Variants in PLCB1 observed in about 807,000 individuals in gnomAD.
The protein encoded by PLCB1 is 1-phosphatidylinositol 4,5-bisphosphate phosphodiesterase beta-1.
A neutral mutation model predicts 161.8 loss-of-function variants in PLCB1; 46 were observed. That is an observed-to-expected ratio of 0.28 (90% confidence interval 0.22 to 0.36). The LOEUF (loss-of-function observed/expected upper bound fraction) is 0.36. Ranked by LOEUF, PLCB1 falls within the 10% of genes least tolerant of loss-of-function variation. PLCB1 has a pLI of 1.00. For missense variants in PLCB1, 1,016 were observed against 1,472.5 expected, an observed-to-expected ratio of 0.69 and a Z score of 5.07; for synonymous variants, 517 against 503.7, an observed-to-expected ratio of 1.03 and a Z score of -0.35.
intron 3 of PLCB1, among the ~76,000 whole-genome samples, chr20:8,474,065 A>G (rs1000073815): frequency 6.6e-6 from 1 of 152,328 alleles, no homozygotes; most frequent in African/African-American, 2.4e-5. Flanking sequence ...AGGCAGGAAT[A>G]TCATTAGGGC....
intron 3 of PLCB1, among the ~76,000 whole-genome samples, chr20:8,555,375 C>T (rs1985917476): frequency 6.6e-6 from 1 of 152,050 alleles, no homozygotes; most frequent in African/African-American, 2.4e-5. Context: ...TCTCCACCTA[C>T]ACTCCTCTTC....
intron 2 of PLCB1, among the ~76,000 whole-genome samples, chr20:8,162,912 A>G (rs947605960): frequency 1.3e-5 from 2 of 152,240 alleles, no homozygotes; most frequent in African/African-American, 4.8e-5. Flanking sequence ...AGACATTAAC[A>G]TATCAGAGTA....
intron 3 of PLCB1, among the ~76,000 whole-genome samples, chr20:8,461,477 C>A (rs543333983): frequency 2.4e-4 from 36 of 152,240 alleles, no homozygotes; most frequent in Non-Finnish European, 1.5e-5. Flanking sequence ...ACCTATCTCA[C>A]AGAGTTGCTG....
intron 3 of PLCB1, among the ~76,000 whole-genome samples, chr20:8,540,430 A>T (rs950504919): frequency 1.8e-4 from 28 of 152,276 alleles, no homozygotes; most frequent in African/African-American, 6.5e-4. Flanking sequence ...AAATCACAAC[A>T]TGGGTACATC....
rs145778961 is a variant in PLCB1, at chr20:8,740,363, A to G, written c.2328A>G (p.Leu776=). The change falls in exon 22 of 32, where the codon CTA becomes CTG. Residue 776 remains leucine (L), a synonymous_variant. Coordinates refer to ENST00000338037, the MANE Select transcript of PLCB1 (RefSeq NM_015192.4). ...AIRPGYHYIC[L]RNERNQPLTL... ...TTCCAGGCTATCACTATATCTGTCT[A>G]AGGAATGAAAGGAACCAGCCTCTGA... 6.9e-6 allele frequency: 11 copies of G among 1,603,730 alleles called. No individual in the cohort carries two copies. In the African/African-American group the frequency reaches 1.3e-4, roughly 20 times the overall value.
intron 2 of PLCB1, among the ~76,000 whole-genome samples, chr20:8,184,808 A>ATTATTAT (rs1248038983): frequency 6.9e-6 from 1 of 144,848 alleles, no homozygotes; most frequent in Non-Finnish European, 1.5e-5. Context: ...TATTATTATT[A>ATTATTAT]TACTTTAAGT....
chr20:8,178,587 A>C (rs183722674), intron 2 of PLCB1, among the ~76,000 whole-genome samples: 1 of 151,984 alleles, frequency 6.6e-6, no homozygotes, highest in Non-Finnish European at 1.5e-5. Flanking sequence ...CAGGCTGTCT[A>C]TTTACTCTGT....
At chr20:8,216,630 A>C (rs950229221) in intron 2 of PLCB1, among the ~76,000 whole-genome samples, 4 of 152,130 alleles carry the variant, frequency 2.6e-5, no homozygotes, top group Non-Finnish European at 5.9e-5. Flanking sequence ...AACCAAAGGT[A>C]GTTTCCTGGG....
At chr20:8,475,937 C>G (rs1431771020) in intron 3 of PLCB1, among the ~76,000 whole-genome samples, 1 of 152,202 alleles carries the variant, frequency 6.6e-6, no homozygotes, top group Non-Finnish European at 1.5e-5. Flanking sequence ...CTGTCATACA[C>G]CACTGCTTCC....
chr20:8,611,071 T>C (rs1987892024), intron 3 of PLCB1, among the ~76,000 whole-genome samples: 1 of 152,022 alleles, frequency 6.6e-6, no homozygotes, highest in Non-Finnish European at 1.5e-5. Context: ...TTTATATTAG[T>C]AAGGAAATTT....
chr20:8,410,858 T>C lies in PLCB1; in HGVS notation c.246+39408T>C, dbSNP rs565831978. Among the ~76,000 whole-genome samples, 6 of 152,178 alleles carry C rather than the reference T, an allele frequency of 3.9e-5. 1 individual carries two copies. The highest frequency in any genetic ancestry group is 1.4e-4 in the African/African-American group (6 of 41,526). On this transcript the variant is annotated intron_variant, in intron 3 of 31. Coordinates refer to ENST00000338037, the MANE Select transcript of PLCB1 (RefSeq NM_015192.4). Reference sequence around the variant, plus strand: ...CTTGTAAGAGACATACTAGGAAGATTTGACACAGACAGAGGAGGAGGAGGC... The same window carrying C: ...CTTGTAAGAGACATACTAGGAAGATCTGACACAGACAGAGGAGGAGGAGGC...
At chr20:8,511,054 G>T (rs1029805792) in intron 3 of PLCB1, among the ~76,000 whole-genome samples, 36 of 151,932 alleles carry the variant, frequency 2.4e-4, no homozygotes, top group African/African-American at 8.5e-4. Flanking sequence ...ATTAATTATG[G>T]TCACCATGCT....
rs140861087 is a variant in PLCB1, at chr20:8,759,593, T to A, written c.2657-814T>A. Reference sequence around the variant, plus strand: ...TCAGCTCACTGCAACCTCTGCCTCCTGGGTTCAAGCGATTCTCCTGCCTCA... The same window carrying A: ...TCAGCTCACTGCAACCTCTGCCTCCAGGGTTCAAGCGATTCTCCTGCCTCA... On this transcript the variant is annotated intron_variant, in intron 24 of 31. Coordinates refer to ENST00000338037, the MANE Select transcript of PLCB1 (RefSeq NM_015192.4). 1.3e-3 allele frequency among the ~76,000 whole-genome samples: 196 copies of A among 152,218 alleles called. 1 individual carries two copies. The highest frequency in any genetic ancestry group is 4.5e-3 in the African/African-American group (189 of 41,564).
chr20:8,806,901 C>T (rs1040349281), intron 31 of PLCB1, among the ~76,000 whole-genome samples: 5 of 152,088 alleles, frequency 3.3e-5, no homozygotes, highest in Non-Finnish European at 7.4e-5. Context: ...GACAGGTGAC[C>T]GTCTTCTCCT....
chr20:8,368,779 T>G (rs970539918), intron 2 of PLCB1, among the ~76,000 whole-genome samples: 12 of 152,250 alleles, frequency 7.9e-5, no homozygotes, highest in Admixed American at 5.2e-4. Flanking sequence ...CTGTGACATA[T>G]CCTAAGTGGG....
chr20:8,132,740 AGT>A lies in PLCB1; in HGVS notation c.91_92del (p.Trp31GlyfsTer2). On this transcript the variant is annotated frameshift_variant, in exon 1 of 32. Transcript: ENST00000338037. LOFTEE classifies it high-confidence loss of function. This position sits in a 1 kb window ranked among gnomAD's most constrained non-coding sequence, Gnocchi z 5.2. The stretch of plus-strand genomic sequence containing the variant: ...CTCAAGAAGGGCACCAAATTCGTCA[AGT>A]GGGATGATGTAAGTATTGGGGCGGC... 1 of 1,610,864 alleles carries A rather than the reference AGT, an allele frequency of 6.2e-7. No homozygotes were observed. Among genetic ancestry groups the A allele is most frequent in the African/African-American group, 1.3e-5 (1 of 74,896 alleles).
chr20:8,147,535 A>T (rs1284854410), intron 1 of PLCB1, among the ~76,000 whole-genome samples: 1 of 152,226 alleles, frequency 6.6e-6, no homozygotes, highest in Non-Finnish European at 1.5e-5. Flanking sequence ...GTATGGGGAG[A>T]ATATAGATAC....
intron 3 of PLCB1, among the ~76,000 whole-genome samples, chr20:8,514,476 C>G (rs2122861320): frequency 6.8e-6 from 1 of 146,528 alleles, no homozygotes; most frequent in East Asian, 2.1e-4. Context: ...AAAAAGAAAC[C>G]AGCCTGGGCA....
chr20:8,445,505 A>G (rs227141), intron 3 of PLCB1, among the ~76,000 whole-genome samples: 96,209 of 150,230 alleles, frequency 0.64, 30,940 homozygotes, highest in East Asian at 0.71. Context: ...TGTTCTTTTG[A>G]CTTAGGATTG....
Sources: allele counts gnomAD v4.1 joint callset (sites outside exome capture counted in the v4.1 genomes callset), GRCh38; gene constraint gnomAD v4.1.1; non-coding constraint Gnocchi (gnomAD v3.1); transcripts MANE v1.5; gene names NCBI Gene and HGNC (gene_info 2026-07-23, HGNC 2026-07-21).